LARS1: variants seen among roughly 807,000 people sequenced by gnomAD.
LARS1 encodes leucine--tRNA ligase, cytoplasmic.
Under a neutral mutation model 162.8 loss-of-function variants are expected in LARS1, and 100 were observed. The ratio of observed to expected loss-of-function variants is 0.61; its 90% CI spans 0.52 to 0.73. The LOEUF (loss-of-function observed/expected upper bound fraction) is 0.73, where lower values mean the gene tolerates loss of function less well. LARS1 is among the 30% of genes least tolerant of loss of function. LARS1 has a pLI of 0.00. For missense variants in LARS1, 1,258 were observed against 1,408.9 expected (o/e 0.89, Z 1.71); for synonymous variants, 457 against 462.8 (o/e 0.99, Z 0.16).
In LARS1 at chr5:146,179,665, C is replaced by A. The variant is rs1038124340; in HGVS notation, c.7-2000G>T. 37 of 441,362 alleles carry A rather than the reference C, an allele frequency of 8.4e-5. 1 individual carries two copies. The Admixed American group carries it at 9.1e-4, about 11-fold the overall frequency. The allele number at this position is 441,362 out of a possible 1,614,324, so 27.3% of individuals were successfully genotyped here. On this transcript the variant is annotated intron_variant, in intron 1 of 31. Transcript: ENST00000394434. The stretch of plus-strand genomic sequence containing the variant: ...CCAGGCTGGAGCATAATGGTGCAAG[C>A]ACCAGCTCACCGCAGCCTTGACCTA...
intron 21 of LARS1, chr5:146,138,744 G>GAA (rs896706300): frequency 6.6e-6 from 1 of 152,404 alleles, no homozygotes; most frequent in East Asian, 1.9e-4. Flanking sequence ...AAAAAAAAAA[G>GAA]AAAGAAAAAG....
intron 5 of LARS1, among the ~76,000 whole-genome samples, chr5:146,165,685 A>C (rs777941629): frequency 4.6e-4 from 70 of 152,162 alleles, no homozygotes; most frequent in Non-Finnish European, 9.0e-4. Flanking sequence ...GGAGGGAAGA[A>C]AGGAGCTGAT....
chr5:146,135,106 C>T lies in LARS1; in HGVS notation c.2212+495G>A, dbSNP rs186000367. Among the ~76,000 whole-genome samples, 344 of 152,074 alleles carry T rather than the reference C, an allele frequency of 2.3e-3. 3 individuals are homozygous for T. The highest frequency in any genetic ancestry group is 8.0e-3 in the African/African-American group (334 of 41,494). ...GCAACCTCCGCCTCCCGGGTTCAAG[C>T]GATTCTCCTGCCTCAGCCTCCCAAA... On this transcript the variant is annotated intron_variant, in intron 22 of 31. Transcript: ENST00000394434.
chr5:146,157,495 T>G lies in LARS1; in HGVS notation c.973A>C (p.Ile325Leu), dbSNP rs548249869. The change falls in exon 10 of 32, where the codon ATC becomes CTC. Residue 325 changes from isoleucine (I) to leucine (L), a missense_variant. Transcript: ENST00000394434. ...TTCCTGGCTGCTTTTTGGGTACAGATGAATATATCACCATTCACCGTCTCA... is the reference window on the plus strand; with the variant it reads ...TTCCTGGCTGCTTTTTGGGTACAGAGGAATATATCACCATTCACCGTCTCA... ...GFETVNGDIFICTQKAARNMS... is the reference protein window; with the variant it reads ...GFETVNGDIFLCTQKAARNMS... 5.6e-6 allele frequency: 9 copies of G among 1,614,170 alleles called. No homozygotes were observed. The South Asian group carries it at 9.9e-5, about 18-fold the overall frequency.
At chr5:146,128,645 G>C (rs201415511) in intron 27 of LARS1, 27 bp downstream of exon 27, 69 of 1,448,218 alleles carry the variant, frequency 4.8e-5, no homozygotes, top group Middle Eastern at 3.5e-4. Context: ...ACACCATCAG[G>C]GGGGAAAAGT....
intron 10 of LARS1, among the ~76,000 whole-genome samples, chr5:146,155,694 T>G (rs779832011): frequency 6.6e-6 from 1 of 152,202 alleles, no homozygotes; most frequent in Non-Finnish European, 1.5e-5. Context: ...CAGCTAAATA[T>G]TATAACCATT....
Position 146,113,933 on chromosome 5 carries a change from G to C in LARS1, c.*173C>G. The C allele has an allele frequency of 1.8e-6, 1 of 560,752 alleles. No homozygotes were observed. The highest frequency in any genetic ancestry group is 3.1e-6 in the Non-Finnish European group (1 of 321,104). The allele number at this position is 560,752 out of a possible 1,614,324, so 34.7% of individuals were successfully genotyped here. A position where few individuals can be genotyped will look rare whatever the true frequency, so the allele number is the denominator to read the frequency against. The stretch of plus-strand genomic sequence containing the variant: ...AAAGAAAGGGAAAAAAAATTTATTA[G>C]GTCCAGGAATCAAAGATGACTTGAT... On this transcript the variant is annotated 3_prime_UTR_variant, in exon 32 of 32. Transcript: ENST00000394434.
At chr5:146,138,728 C>CAAAAAAAAAAAAA (rs879232853) in intron 21 of LARS1, 1 of 114,896 alleles carries the variant, frequency 8.7e-6, no homozygotes. Flanking sequence ...GACTCTGTCT[C>CAAAAAAAAAAAAA]AAAAAAAAAA....
At chr5:146,122,463 A>G in intron 30 of LARS1, 29 bp downstream of exon 30, 1 of 1,238,198 alleles carries the variant, frequency 8.1e-7, no homozygotes, top group East Asian at 2.3e-5. Flanking sequence ...TTTAAAATGC[A>G]ATGATTCAGT....
At position 146,144,479 on chromosome 5, in the gene LARS1, G is replaced by A. The variant is rs146199705; in HGVS notation, c.1648C>T (p.Leu550=). ...CACTTTCTCCCATCTTACGTTTCCAGGTTCTTCAAGCACTGAGATGTCTGT... is the reference window on the plus strand; with the variant it reads ...CACTTTCTCCCATCTTACGTTTCCAAGTTCTTCAAGCACTGAGATGTCTGT... The part of the protein sequence containing the change: ...KKQTSQCLKN[L]ETFCEETRRN... Residue 550 remains leucine, a synonymous_variant, in exon 17 of 32, where the codon CTG becomes TTG. Coordinates refer to ENST00000394434, the MANE Select transcript of LARS1 (RefSeq NM_020117.11). 7.1e-5 allele frequency: 115 copies of A among 1,613,122 alleles called. No individual in the cohort carries two copies. Among genetic ancestry groups the A allele is most frequent in the Middle Eastern group, 5.0e-4 (3 of 6,058 alleles).
At chr5:146,141,506 T>C (rs1752774590) in intron 20 of LARS1, among the ~76,000 whole-genome samples, 1 of 152,084 alleles carries the variant, frequency 6.6e-6, no homozygotes, top group Non-Finnish European at 1.5e-5. Context: ...TTGTAAACAA[T>C]AGAGAAAAAT....
intron 12 of LARS1, among the ~76,000 whole-genome samples, 171 bp from the exon 13 acceptor site, chr5:146,153,398 C>A (rs1389510407): frequency 6.6e-6 from 1 of 152,162 alleles, no homozygotes; most frequent in Non-Finnish European, 1.5e-5. Context: ...GGATCTGTAA[C>A]CTTCAAAAAT....
rs372519069 is a variant in LARS1, at chr5:146,129,089, A to G, written c.2658T>C (p.Pro886=). The G allele has an allele frequency of 3.8e-6, 6 of 1,594,794 alleles. No individual in the cohort carries two copies. In the African/African-American group the frequency reaches 8.1e-5, roughly 22 times the overall value. The change falls in exon 26 of 32, where the codon CCT becomes CCC. Residue 886 remains proline (P), a synonymous_variant. Transcript: ENST00000394434. ...AAACTTCATTAACAGGACCTGCCACAGGCCATGAAGCATTCATAATTGAGT... is the reference window on the plus strand; with the variant it reads ...AAACTTCATTAACAGGACCTGCCACGGGCCATGAAGCATTCATAATTGAGT... ...KPDSIMNASW[P]VAGPVNEVLI...
At position 146,143,492 on chromosome 5, in the gene LARS1, A is replaced by G. The variant is rs762293311; in HGVS notation, c.1797T>C (p.Ile599=). 8 of 1,613,950 alleles carry G rather than the reference A, an allele frequency of 5.0e-6. No individual in the cohort carries two copies. Among genetic ancestry groups the G allele is most frequent in the Admixed American group, 3.3e-5 (2 of 59,986 alleles). ...GTGCAACTGTGTAAAATGCCATGTA[A>G]ATAGTGGAGTCAGAAAGTGATTCAA... ...WLIESLSDST[I]YMAFYTVAHL... is the part of the protein sequence containing the mutation. The change falls in exon 19 of 32, where the codon ATT becomes ATC. Residue 599 remains isoleucine (I), a synonymous_variant. Coordinates refer to ENST00000394434, the MANE Select transcript of LARS1 (RefSeq NM_020117.11).
chr5:146,132,804 T>TAAAAAAAAAAAA, intron 23 of LARS1, 94 bp downstream of exon 23: 2 of 752,524 alleles, frequency 2.7e-6, no homozygotes, highest in South Asian at 2.6e-5. Flanking sequence ...TTTATTTTAT[T>TAAAAAAAAAAAA]AAAAAAAAAA....
chr5:146,151,759 T>A, intron 14 of LARS1, 103 bp downstream of exon 14: 1 of 1,067,070 alleles, frequency 9.4e-7, no homozygotes, highest in Non-Finnish European at 1.4e-6. Flanking sequence ...CTCAAATCAA[T>A]GTATAGCTGA....
At chr5:146,165,520 G>A (rs1001863458) in intron 5 of LARS1, among the ~76,000 whole-genome samples, 1 of 151,728 alleles carries the variant, frequency 6.6e-6, no homozygotes, top group African/African-American at 2.4e-5. Context: ...GACAGAGCAA[G>A]ACTATGTCTT....
chr5:146,151,581 T>C (rs1393237526), intron 14 of LARS1, among the ~76,000 whole-genome samples: 1 of 152,226 alleles, frequency 6.6e-6, no homozygotes, highest in Non-Finnish European at 1.5e-5. Flanking sequence ...CTTTGAAGTT[T>C]ACTGCATAAT....
Position 146,180,109 on chromosome 5 carries a change from C to T in LARS1, c.6+2379G>A, listed in dbSNP as rs531246980. ...CAAATATCTTTTACCTAAAAATTAC[C>T]ATGAGCAGGACATGGGAACACTGAG... On this transcript the variant is annotated intron_variant, in intron 1 of 31. Transcript: ENST00000394434. Among the ~76,000 whole-genome samples, 4 of 152,280 alleles carry T rather than the reference C, an allele frequency of 2.6e-5. No homozygotes were observed. In the South Asian group the frequency reaches 8.3e-4, roughly 32 times the overall value.
Sources: allele counts gnomAD v4.1 joint callset (sites outside exome capture counted in the v4.1 genomes callset), GRCh38; gene constraint gnomAD v4.1.1; transcripts MANE v1.5; gene names NCBI Gene and HGNC (gene_info 2026-07-23, HGNC 2026-07-21).